The following CSMD3 variants were observed in gnomAD, a reference collection of about 807,000 sequenced individuals.
CSMD3 encodes the protein CUB and Sushi multiple domains 3.
CSMD3 carries 177 observed loss-of-function variants against 435.2 expected under a neutral mutation model. The observed-to-expected ratio is 0.41, with a 90% CI of 0.36 to 0.46. CSMD3 has a LOEUF of 0.46. CSMD3 is among the 20% of genes least tolerant of loss of function. CSMD3 has a pLI of 0.34. For missense variants in CSMD3, 4,265 were observed against 4,504.6 expected (o/e 0.95, Z 1.52); for synonymous variants, 1,656 against 1,520.5 (o/e 1.09, Z -2.07).
intron 38 of CSMD3, among the ~76,000 whole-genome samples, chr8:112,357,320 T>A (rs1826713806): frequency 6.6e-6 from 1 of 152,146 alleles, no homozygotes; most frequent in Non-Finnish European, 1.5e-5. Flanking sequence ...AGGAAGACAT[T>A]TCTAAGGGGC....
At chr8:112,784,528 T>C (rs1236351288) in intron 13 of CSMD3, among the ~76,000 whole-genome samples, 2 of 151,808 alleles carry the variant, frequency 1.3e-5, no homozygotes, top group Non-Finnish European at 2.9e-5. Flanking sequence ...TATGTCATAC[T>C]AAGATACAAA....
intron 10 of CSMD3, among the ~76,000 whole-genome samples, chr8:112,915,709 A>G (rs2082552765): frequency 6.6e-6 from 1 of 151,878 alleles, no homozygotes; most frequent in African/African-American, 2.4e-5. Context: ...ACTTTGAAGC[A>G]GTTTTACAAT....
intron 1 of CSMD3, among the ~76,000 whole-genome samples, chr8:113,399,078 C>CATATATATATATATATATAT (rs764141337): frequency 3.3e-5 from 3 of 90,836 alleles, no homozygotes; most frequent in African/African-American, 1.5e-4. Flanking sequence ...AAGGATAGTT[C>CATATATATATATATATATAT]ATATATATAT....
intron 27 of CSMD3, among the ~76,000 whole-genome samples, chr8:112,527,863 T>C (rs1825132070): frequency 1.3e-5 from 2 of 152,282 alleles, no homozygotes; most frequent in East Asian, 1.9e-4. Context: ...TTTGAAGCAA[T>C]TGATGTGACT....
At chr8:113,347,892 G>T (rs1415992841) in intron 1 of CSMD3, among the ~76,000 whole-genome samples, 1 of 151,992 alleles carries the variant, frequency 6.6e-6, no homozygotes, top group African/African-American at 2.4e-5. Flanking sequence ...CCCAAAGCTG[G>T]GCTAAAGTTG....
At chr8:112,979,699 A>G (rs1462153919) in intron 6 of CSMD3, among the ~76,000 whole-genome samples, 1 of 151,504 alleles carries the variant, frequency 6.6e-6, no homozygotes, top group Non-Finnish European at 1.5e-5. Context: ...AAATGTATAT[A>G]TTACAAGACA....
intron 10 of CSMD3, among the ~76,000 whole-genome samples, chr8:112,898,003 G>T (rs536208144): frequency 1.3e-5 from 2 of 150,848 alleles, no homozygotes; most frequent in African/African-American, 2.4e-5. Context: ...AGTATGTCCC[G>T]CTGTCTTTAT....
intron 24 of CSMD3, among the ~76,000 whole-genome samples, chr8:112,568,346 ATTTTGGGAGGCC>A (rs1829228320): frequency 1.3e-5 from 2 of 152,128 alleles, no homozygotes; most frequent in Admixed American, 6.5e-5. Context: ...TAATCCCAGC[ATTTTGGGAGGCC>A]AAGGCAGGTG....
At chr8:112,995,295 G>C (rs990930048) in intron 6 of CSMD3, among the ~76,000 whole-genome samples, 1 of 151,314 alleles carries the variant, frequency 6.6e-6, no homozygotes, top group Admixed American at 6.6e-5. Flanking sequence ...ATGATTAAAA[G>C]ATATTTAAAA....
chr8:112,244,378 T>C lies in CSMD3; in HGVS notation c.10402+16A>G, dbSNP rs1313864042. ...GCAATCTCTTGTGTTAAAAAGATTC[T>C]ATAGAGAAAACTTACCTTCACAAAT... is the stretch of plus-strand genomic sequence containing the variant. On this transcript the variant is annotated intron_variant, in intron 65 of 70. Transcript: ENST00000297405. The C allele has an allele frequency of 6.2e-7, 1 of 1,603,420 alleles. No individual in the cohort carries two copies. Among genetic ancestry groups the C allele is most frequent in the South Asian group, 1.1e-5 (1 of 90,864 alleles).
chr8:113,182,872 C>CTGTTGTTGT (rs71281205), intron 3 of CSMD3, among the ~76,000 whole-genome samples: 16 of 137,002 alleles, frequency 1.2e-4, no homozygotes, highest in African/African-American at 2.7e-4. Flanking sequence ...TTTGTTGTTG[C>CTGTTGTTGT]TGTTGTTGTT....
rs555747333 is a variant in CSMD3 at position 112,822,136 on chromosome 8, C to A, written c.1859+7550G>T. On this transcript the variant is annotated intron_variant, in intron 12 of 70. Coordinates refer to ENST00000297405, the MANE Select transcript of CSMD3 (RefSeq NM_198123.2). ...TAGGATTGTCTTGGCTATACAGGCT[C>A]TTCTTTGGTTCCATATGACATTTAA... is the stretch of plus-strand genomic sequence containing the variant. Among the ~76,000 whole-genome samples, 8 of 152,238 alleles carry A rather than the reference C, an allele frequency of 5.3e-5. No individual in the cohort carries two copies. In the East Asian group the frequency reaches 1.5e-3, roughly 29 times the overall value.
At chr8:112,793,856 C>G (rs1406374625) in intron 13 of CSMD3, among the ~76,000 whole-genome samples, 1 of 152,128 alleles carries the variant, frequency 6.6e-6, no homozygotes, top group Non-Finnish European at 1.5e-5. Context: ...TATGGAGAAA[C>G]CTTTAAGCTG....
intron 9 of CSMD3, among the ~76,000 whole-genome samples, chr8:112,940,944 G>A (rs988447159): frequency 6.6e-6 from 1 of 151,632 alleles, no homozygotes; most frequent in South Asian, 2.1e-4. Context: ...CATTTATTGA[G>A]CTCTCTTTGT....
Position 113,436,879 on chromosome 8 carries a change from GCTC to G in CSMD3, c.-28_-26del. On this transcript the variant is annotated 5_prime_UTR_variant, in exon 1 of 71. Transcript: ENST00000297405. ...TATTATTCGCGAGCTCCTAATTCCT[GCTC>G]CTCAGCCCGGCGCAGTGGAGTTGTT... 1 of 1,612,948 alleles carries G rather than the reference GCTC, an allele frequency of 6.2e-7. No individual in the cohort carries two copies. Among genetic ancestry groups the G allele is most frequent in the Non-Finnish European group, 8.5e-7 (1 of 1,179,872 alleles).
intron 15 of CSMD3, among the ~76,000 whole-genome samples, chr8:112,682,918 T>C (rs1459803732): frequency 2.0e-5 from 3 of 152,232 alleles, no homozygotes; most frequent in Admixed American, 6.5e-5. Flanking sequence ...CTGGAGACCA[T>C]GAGACTAGCT....
chr8:112,541,687 A>G (rs1300773307), intron 27 of CSMD3, among the ~76,000 whole-genome samples: 2 of 151,912 alleles, frequency 1.3e-5, no homozygotes, highest in Non-Finnish European at 2.9e-5. Flanking sequence ...ATAAGAATTA[A>G]TTTCTATCCT....
chr8:112,408,379 G>C lies in CSMD3; in HGVS notation c.5544C>G (p.Ile1848Met), dbSNP rs2130064713. 1.2e-6 allele frequency: 2 copies of C among 1,610,870 alleles called. No individual in the cohort carries two copies. The highest frequency in any genetic ancestry group is 1.7e-6 in the Non-Finnish European group (2 of 1,177,530). ...GTCCAACTGAAGTAAATCGAATTGTGATCTGATTACCTGAACTCAGTGGAA... is the reference window on the plus strand; with the variant it reads ...GTCCAACTGAAGTAAATCGAATTGTCATCTGATTACCTGAACTCAGTGGAA... The part of the protein sequence containing the change: ...ESLPLSSGNQ[I>M]TIRFTSVGPI... Residue 1848 changes from isoleucine (I) to methionine (M), a missense_variant, in exon 34 of 71, where the codon ATC becomes ATG. Physicochemically the swap from Ile to Met is conservative, Grantham distance 10 (BLOSUM62 1). This residue lies in a region of CSMD3 where 3,255 missense variants were observed against 3,380.2 expected (regional missense o/e 0.96). Transcript: ENST00000297405.
At chr8:113,432,903 C>T (rs1474279955) in intron 1 of CSMD3, among the ~76,000 whole-genome samples, 1 of 152,184 alleles carries the variant, frequency 6.6e-6, no homozygotes, top group African/African-American at 2.4e-5. Context: ...AAAGGTTTCT[C>T]CGTGTCAATT....
Sources: gnomAD v4.1 joint callset for allele counts (sites outside exome capture counted in the v4.1 genomes callset) on GRCh38, gnomAD v4.1.1 for gene constraint, gnomAD v4.1.1 regional missense constraint, MANE v1.5 for transcripts, NCBI Gene and HGNC (gene_info 2026-07-23, HGNC 2026-07-21) for gene names.